The following DCP1B variants were observed in gnomAD, a reference collection of about 807,000 sequenced individuals.
DCP1B encodes decapping mRNA 1B.
DCP1B carries 47 observed loss-of-function variants against 60.5 expected under a neutral mutation model. The observed-to-expected ratio is 0.78, with a 90% CI of 0.61 to 0.99. The LOEUF is 0.99. DCP1B is among the 50% of genes least tolerant of loss of function. The pLI, the probability that DCP1B is intolerant of heterozygous loss-of-function variation, is 0.00. For missense variants in DCP1B, 725 were observed against 756.8 expected, an observed-to-expected ratio of 0.96 and a Z score of 0.49; for synonymous variants, 267 against 280.3, an observed-to-expected ratio of 0.95 and a Z score of 0.47.
chr12:1,979,592 G>T (rs181765241), intron 3 of DCP1B, among the ~76,000 whole-genome samples: 1 of 152,250 alleles, frequency 6.6e-6, no homozygotes, highest in Non-Finnish European at 1.5e-5. Context: ...GATTACAGGC[G>T]TGAGCCACCG....
chr12:1,989,821 C>T lies in DCP1B; in HGVS notation c.319+3443G>A, dbSNP rs111943215. Among the ~76,000 whole-genome samples the T allele has an allele frequency of 9.6e-3, 1,463 of 152,064 alleles. 9 individuals carry two copies. The highest frequency in any genetic ancestry group is 0.014 in the Non-Finnish European group (967 of 67,984). On this transcript the variant is annotated intron_variant, in intron 3 of 8. Transcript: ENST00000280665. Reference sequence around the variant, plus strand: ...CATATGCTAATATCTTATTTAGTTGCGAAATGAAAAACACAGTAAGTGATT... The same window carrying T: ...CATATGCTAATATCTTATTTAGTTGTGAAATGAAAAACACAGTAAGTGATT...
At chr12:1,941,674 G>C (rs1565756380), downstream of DCP1B, among the ~76,000 whole-genome samples, 1 of 152,062 alleles carries the variant, frequency 6.6e-6, no homozygotes, top group African/African-American at 2.4e-5. Context: ...TGGGGTTTTT[G>C]CGTGGACGTC....
chr12:2,004,111 C>T (rs2042820607), intron 1 of DCP1B, 171 bp downstream of exon 1: 2 of 926,634 alleles, frequency 2.2e-6, no homozygotes, highest in Admixed American at 2.7e-5. Flanking sequence ...GCCTTCCTTC[C>T]CCCAAACCCC....
chr12:1,972,658 C>T (rs568437828), intron 3 of DCP1B, among the ~76,000 whole-genome samples: 1 of 152,274 alleles, frequency 6.6e-6, no homozygotes, highest in Admixed American at 6.5e-5. Flanking sequence ...TGCCCTTCTC[C>T]CAGCCTTTCA....
rs776659651 is a variant in DCP1B, at chr12:1,952,382, A to G, written c.1524+34T>C. The stretch of plus-strand genomic sequence containing the variant: ...GGGACAGGATCTTGCTATGCTGCCC[A>G]GGCTGTTTTATTTTGCCCCTGGTAC... On this transcript the variant is annotated intron_variant, in intron 7 of 8. Coordinates refer to ENST00000280665, the MANE Select transcript of DCP1B (RefSeq NM_152640.5). 4 of 1,512,158 alleles carry G rather than the reference A, an allele frequency of 2.6e-6. No individual in the cohort carries two copies. The South Asian group carries it at 5.4e-5, about 20-fold the overall frequency. 93.7% of individuals were successfully genotyped at this position (1,512,158 alleles called of 1,614,324 possible). A position where few individuals can be genotyped will look rare whatever the true frequency, so the allele number is the denominator to read the frequency against.
Position 1,952,865 on chromosome 12 carries a change from G to A in DCP1B, c.1075C>T (p.Leu359Phe), listed in dbSNP as rs1277513846. ...TTTGCTGCCCCTGGGGTACTCTGAA[G>A]TTTCTCGAACAGGTTCTGAGTTCTG... is the stretch of plus-strand genomic sequence containing the variant. ...ASRTQNLFEK[L>F]QSTPGAANKC... Residue 359 changes from leucine (L) to phenylalanine (F), a missense_variant, in exon 7 of 9, where the codon CTT (leucine) becomes TTT (phenylalanine). Transcript: ENST00000280665. The A allele has an allele frequency of 1.2e-6, 2 of 1,614,088 alleles. No individual in the cohort carries two copies. The highest frequency in any genetic ancestry group is 1.3e-5 in the African/African-American group (1 of 74,932).
At chr12:1,973,879 T>C (rs2033386914) in intron 3 of DCP1B, among the ~76,000 whole-genome samples, 1 of 152,222 alleles carries the variant, frequency 6.6e-6, no homozygotes, top group Non-Finnish European at 1.5e-5. Flanking sequence ...ACAAATATCA[T>C]GCAGGGAGTC....
intron 1 of DCP1B, among the ~76,000 whole-genome samples, chr12:2,001,211 G>A (rs2042130450): frequency 6.6e-6 from 1 of 152,074 alleles, no homozygotes; most frequent in South Asian, 2.1e-4. Context: ...TTATCCAAGG[G>A]CAACCAGATT....
At chr12:1,995,841 C>A (rs1404789733) in intron 2 of DCP1B, among the ~76,000 whole-genome samples, 1 of 152,190 alleles carries the variant, frequency 6.6e-6, no homozygotes, top group East Asian at 1.9e-4. Context: ...GTTTCAACTA[C>A]CAAATTACTT....
chr12:1,967,290 G>A (rs751134793), intron 4 of DCP1B, among the ~76,000 whole-genome samples: 1 of 152,210 alleles, frequency 6.6e-6, no homozygotes, highest in Non-Finnish European at 1.5e-5. Context: ...ACAAGGAAGA[G>A]AGAGACAGTC....
chr12:1,985,371 T>C (rs2037404883), intron 3 of DCP1B, among the ~76,000 whole-genome samples: 1 of 152,204 alleles, frequency 6.6e-6, no homozygotes, highest in Non-Finnish European at 1.5e-5. Flanking sequence ...CTAACTCTTC[T>C]TTCCACTGTC....
intron 3 of DCP1B, among the ~76,000 whole-genome samples, chr12:1,975,033 C>T (rs1050106818): frequency 7.2e-5 from 11 of 152,082 alleles, no homozygotes; most frequent in Admixed American, 2.6e-4. Context: ...AACTATAAAA[C>T]ACATGATCAC....
chr12:1,993,652 G>GTGTGTGTGTC (rs2040072620), intron 2 of DCP1B, among the ~76,000 whole-genome samples: 1 of 149,624 alleles, frequency 6.7e-6, no homozygotes, highest in East Asian at 1.9e-4. Context: ...GTGTGTGTGT[G>GTGTGTGTGTC]TGTGTATACA....
In DCP1B at chr12:1,949,044, C is replaced by A. The variant is rs145794424; in HGVS notation, c.1773+42G>T. 3.6e-5 allele frequency: 57 copies of A among 1,590,876 alleles called. 1 individual carries two copies. The African/African-American group carries it at 6.4e-4, about 18-fold the overall frequency. ...CTCATAGTTGCAGCCAGGAGGCCAA[C>A]AGGCGTGGTCAGGTGCGAAGGGAGA... On this transcript the variant is annotated intron_variant, in intron 8 of 8. Transcript: ENST00000280665.
downstream of DCP1B, among the ~76,000 whole-genome samples, chr12:1,941,985 A>T (rs2030291257): frequency 6.6e-6 from 1 of 152,240 alleles, no homozygotes; most frequent in Non-Finnish European, 1.5e-5. Context: ...ATTAAAAGAC[A>T]CAGAGTGGCA....
chr12:1,952,267 G>T, intron 7 of DCP1B, 149 bp downstream of exon 7: 2 of 966,344 alleles, frequency 2.1e-6, no homozygotes, highest in Non-Finnish European at 2.9e-6. Context: ...TCCGCCTCTT[G>T]AGCTCAAGGG....
Position 1,952,630 on chromosome 12 carries a change from G to C in DCP1B, c.1310C>G (p.Ser437Cys), listed in dbSNP as rs543571144. The change falls in exon 7 of 9, where the codon TCT (serine) becomes TGT (cysteine). Residue 437 changes from serine (S) to cysteine (C), a missense_variant. By Grantham distance (112) the Ser-to-Cys change is moderately radical. Coordinates refer to ENST00000280665, the MANE Select transcript of DCP1B (RefSeq NM_152640.5). The part of the protein sequence containing the change: ...STLPRQTLPI[S>C]GSQTGSSGVI... ...TCCAGAGCTGCCAGTCTGACTACCA[G>C]AGATGGGGAGTGTTTGTCTTGGGAG... 6.2e-7 allele frequency: 1 copy of C among 1,614,078 alleles called. No homozygotes were observed. Among genetic ancestry groups the C allele is most frequent in the Non-Finnish European group, 8.5e-7 (1 of 1,180,046 alleles).
chr12:1,968,761 T>C (rs2031541276), intron 3 of DCP1B, among the ~76,000 whole-genome samples: 3 of 152,198 alleles, frequency 2.0e-5, no homozygotes, highest in Non-Finnish European at 4.4e-5. Context: ...AATTTAATAA[T>C]AAACTTCTGG....
chr12:2,000,221 C>G (rs988852844), intron 1 of DCP1B, among the ~76,000 whole-genome samples: 2 of 152,156 alleles, frequency 1.3e-5, no homozygotes, highest in African/African-American at 4.8e-5. Context: ...TTGGTATTAT[C>G]CATTACATTG....
Sources: gnomAD v4.1 joint callset for allele counts (sites outside exome capture counted in the v4.1 genomes callset) on GRCh38, gnomAD v4.1.1 for gene constraint, MANE v1.5 for transcripts, NCBI Gene and HGNC (gene_info 2026-07-23, HGNC 2026-07-21) for gene names.